LRP1: variants seen among roughly 807,000 people sequenced by gnomAD.
The protein encoded by LRP1 is LDL receptor related protein 1, also known as prolow-density lipoprotein receptor-related protein 1.
LRP1 carries 51 observed loss-of-function variants against 541.5 expected under a neutral mutation model. That is an observed-to-expected ratio of 0.09 (90% confidence interval 0.08 to 0.12). The LOEUF (loss-of-function observed/expected upper bound fraction) is 0.12. Among genes scored for constraint, LRP1 ranks in the 10% least tolerant of loss-of-function variants. The probability of loss-of-function intolerance (pLI) is 1.00; values close to 1 mark genes in which losing one functional copy is unlikely to be tolerated. For synonymous variants in LRP1, 2,219 were observed against 2,470.8 expected, an observed-to-expected ratio of 0.90 and a Z score of 3.02; for missense variants, 3,878 against 6,376.2, an observed-to-expected ratio of 0.61 and a Z score of 13.34.
rs2036231430 is a variant in LRP1 at position 57,184,565 on chromosome 12, C to T, written c.6186+113C>T. The T allele has an allele frequency of 6.9e-7, 1 of 1,447,396 alleles. No individual in the cohort carries two copies. Among genetic ancestry groups the T allele is most frequent in the African/African-American group, 1.4e-5 (1 of 71,418 alleles). The allele number at this position is 1,447,396 out of a possible 1,614,324, so 89.7% of individuals were successfully genotyped here. A position where few individuals can be genotyped will look rare whatever the true frequency, so the allele number is the denominator to read the frequency against. On this transcript the variant is annotated intron_variant, in intron 38 of 88. Transcript: ENST00000243077. This position sits in a 1 kb window ranked among gnomAD's most constrained non-coding sequence, Gnocchi z 7.8. ...TGGAGCCCAGGGGAAGTCACAGGGT[C>T]TCCCAGCCCAGCCCTCCACCCAGAG...
intron 19 of LRP1, among the ~76,000 whole-genome samples, chr12:57,168,889 G>A (rs34736975): frequency 0.071 from 10,742 of 152,274 alleles, 1,242 homozygotes; most frequent in African/African-American, 0.24. Context: ...AATGTTCCCT[G>A]CACCCAGCCT....
Position 57,160,912 on chromosome 12 carries a change from T to A in LRP1, c.1999T>A (p.Trp667Arg). The A allele has an allele frequency of 1.2e-6, 2 of 1,613,812 alleles. No homozygotes were observed. Among genetic ancestry groups the A allele is most frequent in the Non-Finnish European group, 1.7e-6 (2 of 1,179,978 alleles). ...PLNGWMYWTDWEEDPKDSRRG... is the reference protein window; with the variant it reads ...PLNGWMYWTDREEDPKDSRRG... ...CCACAGGTGGATGTACTGGACAGACTGGGAGGAGGACCCCAAGGACAGTCG... is the reference window on the plus strand; with the variant it reads ...CCACAGGTGGATGTACTGGACAGACAGGGAGGAGGACCCCAAGGACAGTCG... The change falls in exon 13 of 89, where the codon TGG becomes AGG. Residue 667 changes from tryptophan (W) to arginine (R), a missense_variant. Trp to Arg is a moderately radical substitution (Grantham distance 101, BLOSUM62 -3). Coordinates refer to ENST00000243077, the MANE Select transcript of LRP1 (RefSeq NM_002332.3).
intron 6 of LRP1, among the ~76,000 whole-genome samples, chr12:57,153,739 C>T (rs572453698): frequency 9.2e-5 from 14 of 152,044 alleles, no homozygotes; most frequent in Non-Finnish European, 1.8e-4. Context: ...TTAGCGTGTA[C>T]CCTGCTTTTC....
Position 57,128,512 on chromosome 12 carries a change from T to C in LRP1, c.-453T>C, listed in dbSNP as rs2034961099. ...CAGTCCGGGGAACAGCGGTGCGAGC[T>C]CCAGGCCCATGCACTGAGGAGGCGG... On this transcript the variant is annotated 5_prime_UTR_variant, in exon 1 of 89. Coordinates refer to ENST00000243077, the MANE Select transcript of LRP1 (RefSeq NM_002332.3). 2 of 162,408 alleles carry C rather than the reference T, an allele frequency of 1.2e-5. No homozygotes were observed. Among genetic ancestry groups the C allele is most frequent in the Non-Finnish European group, 2.4e-5 (2 of 81,994 alleles). 10.1% of individuals were successfully genotyped at this position (162,408 alleles called of 1,614,324 possible). A position where few individuals can be genotyped will look rare whatever the true frequency, so the allele number is the denominator to read the frequency against.
chr12:57,150,677 G>C (rs2035509676), intron 6 of LRP1, among the ~76,000 whole-genome samples: 1 of 152,214 alleles, frequency 6.6e-6, no homozygotes, highest in African/African-American at 2.4e-5. Context: ...GGTTCAGGGA[G>C]GGGAGGACAT....
At chr12:57,190,539 G>A (rs2036356548) in intron 42 of LRP1, among the ~76,000 whole-genome samples, 1 of 152,230 alleles carries the variant, frequency 6.6e-6, no homozygotes. Context: ...TCTCTTCTCA[G>A]CAAGTAGACG....
chr12:57,191,830 C>CCACACACACT (rs2036392501), intron 44 of LRP1, among the ~76,000 whole-genome samples: 1 of 95,590 alleles, frequency 1.0e-5, no homozygotes, highest in African/African-American at 4.3e-5. Context: ...TACCACACCA[C>CCACACACACT]ACACATACCA....
chr12:57,200,645 G>C (rs1432507243), intron 63 of LRP1, 54 bp from the exon 64 acceptor site: 1 of 1,562,084 alleles, frequency 6.4e-7, no homozygotes, highest in Non-Finnish European at 8.8e-7. Flanking sequence ...CCTGCAAGTG[G>C]ACCTGGCCGT....
intron 60 of LRP1, among the ~76,000 whole-genome samples, chr12:57,198,928 G>A: frequency 6.6e-6 from 1 of 152,200 alleles, no homozygotes. Flanking sequence ...CCCCAAGGAG[G>A]GTGGGGGTGG....
At position 57,213,250 on chromosome 12, in the gene LRP1, C is replaced by CA. The variant is rs2036957194; in HGVS notation, c.*696dup. 1 of 147,898 alleles carries CA rather than the reference C, an allele frequency of 6.8e-6. No individual in the cohort carries two copies. Among genetic ancestry groups the CA allele is most frequent in the Non-Finnish European group, 1.5e-5 (1 of 67,620 alleles). 9.2% of individuals were successfully genotyped at this position (147,898 alleles called of 1,614,324 possible). A position where few individuals can be genotyped will look rare whatever the true frequency, so the allele number is the denominator to read the frequency against. On this transcript the variant is annotated 3_prime_UTR_variant, in exon 89 of 89. Transcript: ENST00000243077. The stretch of plus-strand genomic sequence containing the variant: ...GCCACACCCAGGAAGGGAAAGCGGG[C>CA]AGCCCCGTTTTGGGGACGTGAACGT...
chr12:57,137,292 C>T (rs1485373611), intron 1 of LRP1, among the ~76,000 whole-genome samples: 1 of 149,610 alleles, frequency 6.7e-6, no homozygotes, highest in Non-Finnish European at 1.5e-5. Context: ...TTAATTCCTC[C>T]TTGGGGGATG....
chr12:57,199,352 C>T lies in LRP1; in HGVS notation c.9817C>T (p.His3273Tyr), dbSNP rs1310775878. 6.2e-7 allele frequency: 1 copy of T among 1,612,870 alleles called. No individual in the cohort carries two copies. The highest frequency in any genetic ancestry group is 2.2e-5 in the East Asian group (1 of 44,886). ...TNKTLLISTL[H>Y]RPMDLHVFHA... ...CAAAACGCTCCTCATCAGCACGCTGCACCGGCCCATGGACCTGCATGTCTT... is the reference window on the plus strand; with the variant it reads ...CAAAACGCTCCTCATCAGCACGCTGTACCGGCCCATGGACCTGCATGTCTT... Residue 3273 changes from histidine to tyrosine, a missense_variant, in exon 61 of 89, where the codon CAC becomes TAC. Transcript: ENST00000243077.
chr12:57,195,569 C>T (rs2036513758), intron 52 of LRP1, 89 bp from the exon 53 acceptor site: 3 of 1,601,648 alleles, frequency 1.9e-6, no homozygotes, highest in Admixed American at 3.3e-5. Flanking sequence ...CCTGCCCACT[C>T]TACCAGGAGA....
rs2035670506 is a variant in LRP1 at position 57,158,664 on chromosome 12, A to T, written c.1798+26A>T. Reference sequence around the variant, plus strand: ...GTATGGGCTCCTAGGGATGTGGCCCATGGGGATGGAAGGGGGCTGGGGCCC... The same window carrying T: ...GTATGGGCTCCTAGGGATGTGGCCCTTGGGGATGGAAGGGGGCTGGGGCCC... On this transcript the variant is annotated intron_variant, in intron 11 of 88. Coordinates refer to ENST00000243077, the MANE Select transcript of LRP1 (RefSeq NM_002332.3). The surrounding 1 kb of genome is among the most constrained non-coding windows in gnomAD (Gnocchi z 5.3). 1 of 1,602,766 alleles carries T rather than the reference A, an allele frequency of 6.2e-7. No individual in the cohort carries two copies. Among genetic ancestry groups the T allele is most frequent in the Non-Finnish European group, 8.5e-7 (1 of 1,170,560 alleles).
intron 1 of LRP1, among the ~76,000 whole-genome samples, chr12:57,134,448 GT>G (rs2035110776): frequency 6.6e-6 from 1 of 152,050 alleles, no homozygotes; most frequent in African/African-American, 2.4e-5. Flanking sequence ...CTTGTTTTTT[GT>G]TTTTGTTTTG....
chr12:57,205,116 C>G lies in LRP1; in HGVS notation c.11202C>G (p.Pro3734=), dbSNP rs749898308. The change falls in exon 73 of 89, where the codon CCC becomes CCG. Residue 3734 remains proline, a synonymous_variant. Transcript: ENST00000243077. The surrounding 1 kb of genome is among the most constrained non-coding windows in gnomAD (Gnocchi z 4.6). ...AGCCTCTGCCCTCCTCAGAGCCCCC[C>G]ACAGCCCACACCACCCACTGCAAAG... The part of the protein sequence containing the change: ...DGTDEEDCEP[P]TAHTTHCKDK... 6.8e-6 allele frequency: 11 copies of G among 1,613,320 alleles called. No homozygotes were observed. The African/African-American group carries it at 1.2e-4, about 18-fold the overall frequency.
At chr12:57,131,797 C>T (rs1275769511) in intron 1 of LRP1, among the ~76,000 whole-genome samples, 1 of 152,134 alleles carries the variant, frequency 6.6e-6, no homozygotes, top group Non-Finnish European at 1.5e-5. Context: ...ACTGAGCCTC[C>T]CAAAGGATGA....
intron 1 of LRP1, among the ~76,000 whole-genome samples, chr12:57,133,263 C>T (rs1213070335): frequency 6.6e-6 from 1 of 151,570 alleles, no homozygotes. Flanking sequence ...GATATGGTGA[C>T]CTCTGGAGGC....
chr12:57,162,039 G>T lies in LRP1; in HGVS notation c.2203-278G>T, dbSNP rs1423679913. 1.3e-5 allele frequency among the ~76,000 whole-genome samples: 2 copies of T among 152,084 alleles called. No individual in the cohort carries two copies. The highest frequency in any genetic ancestry group is 4.8e-5 in the African/African-American group (2 of 41,364). ...TGTGCACGTATGTGTGCGTGTGTGT[G>T]TTTGGGGACTATGAATGAATAGGAA... On this transcript the variant is annotated intron_variant, in intron 13 of 88. Coordinates refer to ENST00000243077, the MANE Select transcript of LRP1 (RefSeq NM_002332.3). The surrounding 1 kb of genome is among the most constrained non-coding windows in gnomAD (Gnocchi z 5.2).
Sources: gnomAD v4.1 joint callset for allele counts (sites outside exome capture counted in the v4.1 genomes callset) on GRCh38, gnomAD v4.1.1 for gene constraint, Gnocchi (gnomAD v3.1) non-coding constraint, MANE v1.5 for transcripts, NCBI Gene and HGNC (gene_info 2026-07-23, HGNC 2026-07-21) for gene names.